Variants in OR10A2 observed in about 807,000 individuals in gnomAD.
OR10A2 encodes olfactory receptor family 10 subfamily A member 2, also known as olfactory receptor 10A2.
OR10A2 carries 15 observed loss-of-function variants against 13.7 expected under a neutral mutation model. The ratio of observed to expected loss-of-function variants is 1.10; its 90% CI spans 0.73 to 1.69. OR10A2 has a LOEUF of 1.69. OR10A2 is among the 40% of genes most tolerant of loss of function. The pLI is 0.00. For missense variants in OR10A2, 343 were observed against 361.1 expected, an observed-to-expected ratio of 0.95 and a Z score of 0.41; for synonymous variants, 145 against 144.7, an observed-to-expected ratio of 1.00 and a Z score of -0.02.
chr11:6,863,716 G>A (rs996972847), intron 1 of OR10A2, among the ~76,000 whole-genome samples: 1 of 152,116 alleles, frequency 6.6e-6, no homozygotes, highest in South Asian at 2.1e-4. Flanking sequence ...ACTTGCCTCA[G>A]TGGAACATTT....
chr11:6,867,033 T>C (rs545341167), intron 1 of OR10A2, among the ~76,000 whole-genome samples: 93 of 152,204 alleles, frequency 6.1e-4, no homozygotes, highest in African/African-American at 2.2e-3. Flanking sequence ...TTCATAATTT[T>C]TCCCAGTAAC....
In OR10A2 at chr11:6,870,573, C is replaced by A. The variant is rs1386323855; in HGVS notation, c.819C>A (p.Asn273Lys). ...LSYTVMTPML[N>K]PIIYSLRNNE... ...ACACTGTTATGACTCCCATGTTGAACCCCATTATCTACAGCCTGAGAAATA... is the reference window on the plus strand; with the variant it reads ...ACACTGTTATGACTCCCATGTTGAAACCCATTATCTACAGCCTGAGAAATA... Residue 273 changes from asparagine (N) to lysine (K), a missense_variant, in exon 2 of 2, where the codon AAC becomes AAA. By Grantham distance (94) the Asn-to-Lys change is moderately conservative (BLOSUM62 0). Coordinates refer to ENST00000641461, the MANE Select transcript of OR10A2 (RefSeq NM_001004460.2). 6.2e-7 allele frequency: 1 copy of A among 1,614,020 alleles called. No individual in the cohort carries two copies. Among genetic ancestry groups the A allele is most frequent in the Non-Finnish European group, 8.5e-7 (1 of 1,179,902 alleles).
chr11:6,865,869 T>G (rs1053611032), intron 1 of OR10A2, among the ~76,000 whole-genome samples: 2 of 152,218 alleles, frequency 1.3e-5, no homozygotes, highest in African/African-American at 2.4e-5. Flanking sequence ...ATTCCATTGC[T>G]AGGAAAATCT....
chr11:6,869,617 T>C lies in OR10A2; in HGVS notation c.-132-6T>C. The C allele has an allele frequency of 1.2e-6, 1 of 807,618 alleles. No homozygotes were observed. Among genetic ancestry groups the C allele is most frequent in the South Asian group, 1.6e-5 (1 of 60,710 alleles). The allele number at this position is 807,618 out of a possible 1,614,324, so 50.0% of individuals were successfully genotyped here. A position where few individuals can be genotyped will look rare whatever the true frequency, so the allele number is the denominator to read the frequency against. On this transcript the variant is annotated splice_region_variant and splice_polypyrimidine_tract_variant and intron_variant, in intron 1 of 1. Transcript: ENST00000641461. Reference sequence around the variant, plus strand: ...GAGGTGCTGACCTTGCCTCTTTCCCTGACAGTAAGAACGAGTCTGAAAAAC... The same window carrying C: ...GAGGTGCTGACCTTGCCTCTTTCCCCGACAGTAAGAACGAGTCTGAAAAAC...
chr11:6,873,847 C>T lies in OR10A2; in HGVS notation c.*3181C>T, dbSNP rs1848459864. 6.6e-6 allele frequency: 1 copy of T among 150,834 alleles called. No individual in the cohort carries two copies. The allele number at this position is 150,834 out of a possible 1,614,324, so 9.3% of individuals were successfully genotyped here. ...TGGTTTGAAGAGAATGAACCAGAAG[C>T]AGGTTCCTACCATACTCTAGGCCAG... is the stretch of plus-strand genomic sequence containing the variant. On this transcript the variant is annotated 3_prime_UTR_variant, in exon 2 of 2. Transcript: ENST00000641461.
intron 1 of OR10A2, among the ~76,000 whole-genome samples, chr11:6,869,296 A>G (rs1848404515): frequency 6.6e-6 from 1 of 152,244 alleles, no homozygotes; most frequent in Admixed American, 6.5e-5. Flanking sequence ...TTATAAATAT[A>G]TTTCTAAAGT....
At chr11:6,868,495 T>G (rs896133932) in intron 1 of OR10A2, among the ~76,000 whole-genome samples, 12 of 152,172 alleles carry the variant, frequency 7.9e-5, no homozygotes, top group Non-Finnish European at 1.6e-4. Context: ...AATGTCACTC[T>G]GCAGCTTCAA....
At chr11:6,867,437 C>G (rs916515094) in intron 1 of OR10A2, among the ~76,000 whole-genome samples, 3 of 152,124 alleles carry the variant, frequency 2.0e-5, no homozygotes, top group African/African-American at 7.2e-5. Context: ...TTTTCAAACT[C>G]CTGGCCTCAA....
intron 1 of OR10A2, among the ~76,000 whole-genome samples, chr11:6,867,108 C>T (rs145675667): frequency 1.5e-4 from 23 of 152,162 alleles, no homozygotes; most frequent in African/African-American, 4.8e-4. Context: ...TGGCATTTTG[C>T]TCCACAAGGT....
chr11:6,870,691 T>A lies in OR10A2; in HGVS notation c.*25T>A. 1.3e-6 allele frequency: 2 copies of A among 1,491,172 alleles called. No homozygotes were observed. The highest frequency in any genetic ancestry group is 1.8e-6 in the Non-Finnish European group (2 of 1,108,966). 92.4% of individuals were successfully genotyped at this position (1,491,172 alleles called of 1,614,324 possible). ...GACCTTAGGAAGTAAGGCTACATTT[T>A]ACTGGATGAGAAACAATCAGTCCCA... On this transcript the variant is annotated 3_prime_UTR_variant, in exon 2 of 2. Transcript: ENST00000641461.
chr11:6,864,176 C>T (rs2741767), intron 1 of OR10A2, among the ~76,000 whole-genome samples: 65,745 of 151,886 alleles, frequency 0.43, 14,385 homozygotes, highest in Middle Eastern at 0.57. Flanking sequence ...GCTTTTCTTC[C>T]CCAGTAGTTT....
intron 1 of OR10A2, among the ~76,000 whole-genome samples, chr11:6,867,150 C>G (rs1320803092): frequency 6.6e-6 from 1 of 151,754 alleles, no homozygotes; most frequent in African/African-American, 2.4e-5. Flanking sequence ...TTGTTTTGTC[C>G]CCCAGGTGGT....
intron 1 of OR10A2, among the ~76,000 whole-genome samples, chr11:6,869,162 C>G (rs918131853): frequency 6.6e-6 from 1 of 152,120 alleles, no homozygotes; most frequent in Non-Finnish European, 1.5e-5. Flanking sequence ...TATAAAAGAA[C>G]AAAAACATGC....
Position 6,870,403 on chromosome 11 carries a change from T to G in OR10A2, c.649T>G (p.Ser217Ala), listed in dbSNP as rs752003128. 12 of 1,614,096 alleles carry G rather than the reference T, an allele frequency of 7.4e-6. No individual in the cohort carries two copies. The South Asian group carries it at 1.3e-4, about 18-fold the overall frequency. Residue 217 changes from serine (S) to alanine (A), a missense_variant, in exon 2 of 2, where the codon TCA becomes GCA. Physicochemically the swap from Ser to Ala is moderately conservative, Grantham distance 99 (BLOSUM62 1). Transcript: ENST00000641461. ...HIAAAILKIP[S>A]AKGKNKAFST... ...TGCTGCTGCCATCCTCAAGATCCCA[T>G]CAGCTAAAGGGAAGAATAAAGCCTT...
rs1363649598 is a variant in OR10A2, at chr11:6,872,164, T to G, written c.*1498T>G. 6.6e-6 allele frequency: 1 copy of G among 152,190 alleles called. No homozygotes were observed. Among genetic ancestry groups the G allele is most frequent in the African/African-American group, 2.4e-5 (1 of 41,462 alleles). The allele number at this position is 152,190 out of a possible 1,614,324, so 9.4% of individuals were successfully genotyped here. ...ACAGATGATCAAATCAGAGGAAAGG[T>G]GTGCATTTCATTGAAACTTGAGTTA... On this transcript the variant is annotated 3_prime_UTR_variant, in exon 2 of 2. Coordinates refer to ENST00000641461, the MANE Select transcript of OR10A2 (RefSeq NM_001004460.2).
Position 6,869,628 on chromosome 11 carries a change from A to C in OR10A2, c.-127A>C. On this transcript the variant is annotated 5_prime_UTR_variant, in exon 2 of 2. Transcript: ENST00000641461. Reference sequence around the variant, plus strand: ...CTTGCCTCTTTCCCTGACAGTAAGAACGAGTCTGAAAAACAAATTGAGAAT... The same window carrying C: ...CTTGCCTCTTTCCCTGACAGTAAGACCGAGTCTGAAAAACAAATTGAGAAT... The C allele has an allele frequency of 1.2e-6, 1 of 863,586 alleles. No individual in the cohort carries two copies. The highest frequency in any genetic ancestry group is 1.6e-5 in the South Asian group (1 of 62,928). The allele number at this position is 863,586 out of a possible 1,614,324, so 53.5% of individuals were successfully genotyped here.
Position 6,870,739 on chromosome 11 carries a change from C to T in OR10A2, c.*73C>T. 8.5e-7 allele frequency: 1 copy of T among 1,182,078 alleles called. No individual in the cohort carries two copies. The highest frequency in any genetic ancestry group is 1.6e-5 in the South Asian group (1 of 64,176). 73.2% of individuals were successfully genotyped at this position (1,182,078 alleles called of 1,614,324 possible). ...CCAGATTTGAGATTCCTCTCTGCAT[C>T]TTTCCACATCTCCAATAAGATGAAG... On this transcript the variant is annotated 3_prime_UTR_variant, in exon 2 of 2. Transcript: ENST00000641461.
intron 1 of OR10A2, among the ~76,000 whole-genome samples, chr11:6,865,079 A>T (rs913697443): frequency 7.0e-6 from 1 of 143,722 alleles, no homozygotes; most frequent in Non-Finnish European, 1.5e-5. Flanking sequence ...ATTTCTATAT[A>T]TGATAATATA....
rs987556638 is a variant in OR10A2 at position 6,872,140 on chromosome 11, CAG to C, written c.*1476_*1477del. ...TAAATTTTGAAGAATAAGAAAGAAA[CAG>C]ATGATCAAATCAGAGGAAAGGTGTG... On this transcript the variant is annotated 3_prime_UTR_variant, in exon 2 of 2. Coordinates refer to ENST00000641461, the MANE Select transcript of OR10A2 (RefSeq NM_001004460.2). 6.6e-6 allele frequency: 1 copy of C among 151,982 alleles called. No individual in the cohort carries two copies. Among genetic ancestry groups the C allele is most frequent in the African/African-American group, 2.4e-5 (1 of 41,394 alleles). 9.4% of individuals were successfully genotyped at this position (151,982 alleles called of 1,614,324 possible).
Sources: gnomAD v4.1 joint callset for allele counts (sites outside exome capture counted in the v4.1 genomes callset) on GRCh38, gnomAD v4.1.1 for gene constraint, MANE v1.5 for transcripts, NCBI Gene and HGNC (gene_info 2026-07-23, HGNC 2026-07-21) for gene names.